The following NUMB variants were observed in gnomAD, a reference collection of about 807,000 sequenced individuals.
NUMB encodes NUMB endocytic adaptor protein.
In NUMB, 29 loss-of-function variants were observed where a neutral mutation model predicts 59.7. The ratio of observed to expected loss-of-function variants is 0.49; its 90% CI spans 0.36 to 0.66. The LOEUF is 0.66. Among genes scored for constraint, NUMB ranks in the 30% least tolerant of loss-of-function variants. NUMB has a pLI of 0.00. For missense variants in NUMB, 723 were observed against 822.0 expected, an observed-to-expected ratio of 0.88 and a Z score of 1.47; for synonymous variants, 288 against 288.2, an observed-to-expected ratio of 1.00 and a Z score of 0.01.
chr14:73,433,751 A>T lies in NUMB; in HGVS notation c.-232-23683T>A, dbSNP rs1897932944. ...CCCCTGAAATATATGACAGGAGTAT[A>T]GGTAGTAAAGAGAAAGAAACTGATA... On this transcript the variant is annotated intron_variant, in intron 1 of 12. Coordinates refer to ENST00000555238, the MANE Select transcript of NUMB (RefSeq NM_001005743.2). 1.3e-5 allele frequency among the ~76,000 whole-genome samples: 2 copies of T among 152,296 alleles called. 1 individual carries two copies. The highest frequency in any genetic ancestry group is 6.8e-3 in the Middle Eastern group (2 of 294).
intron 4 of NUMB, among the ~76,000 whole-genome samples, chr14:73,337,897 G>A (rs1021940657): frequency 6.6e-6 from 1 of 152,132 alleles, no homozygotes; most frequent in East Asian, 1.9e-4. Flanking sequence ...CTGAATGCTT[G>A]ATTTCATCCC....
chr14:73,390,638 CTTTTTTTTTTTTT>C (rs55831976), intron 2 of NUMB, among the ~76,000 whole-genome samples: 43 of 39,408 alleles, frequency 1.1e-3, no homozygotes, highest in East Asian at 3.4e-3. Context: ...AAAACAAAGT[CTTTTTTTTTTTTT>C]TTTTTTTTTT....
At chr14:73,411,713 C>T (rs1409626214) in intron 1 of NUMB, among the ~76,000 whole-genome samples, 4 of 151,942 alleles carry the variant, frequency 2.6e-5, no homozygotes, top group Non-Finnish European at 4.4e-5. Flanking sequence ...TGGTAAACGG[C>T]TAATCTATTT....
At chr14:73,351,223 C>T (rs1893238730) in intron 4 of NUMB, among the ~76,000 whole-genome samples, 1 of 152,152 alleles carries the variant, frequency 6.6e-6, no homozygotes. Context: ...CCTGCAATCC[C>T]AGGACTTTGG....
intron 3 of NUMB, 104 bp from the exon 4 acceptor site, chr14:73,355,870 G>T: frequency 1.2e-6 from 1 of 815,916 alleles, no homozygotes; most frequent in Non-Finnish European, 1.9e-6. Flanking sequence ...AAAATTAAAG[G>T]TTTTGGGTTT....
At chr14:73,409,821 G>A (rs1324299076) in intron 2 of NUMB, 116 bp downstream of exon 2, 1 of 152,286 alleles carries the variant, frequency 6.6e-6, no homozygotes, top group East Asian at 1.9e-4. Context: ...GATTTTACCA[G>A]GACAAAGGGT....
chr14:73,407,355 G>A (rs1422105546), intron 2 of NUMB, among the ~76,000 whole-genome samples: 1 of 152,156 alleles, frequency 6.6e-6, no homozygotes, highest in Non-Finnish European at 1.5e-5. Flanking sequence ...TGGAGGCAGA[G>A]ATGAGAGGAG....
At chr14:73,371,041 G>A (rs1026816293) in intron 2 of NUMB, among the ~76,000 whole-genome samples, 4 of 151,966 alleles carry the variant, frequency 2.6e-5, no homozygotes, top group African/African-American at 4.8e-5. Context: ...TCCCATTCTC[G>A]GCCTCCCAAA....
rs1264664292 is a variant in NUMB at position 73,352,431 on chromosome 14, TATAC to T, written c.126+3191_126+3194del. Among the ~76,000 whole-genome samples, 179 of 38,098 alleles carry T rather than the reference TATAC, an allele frequency of 4.7e-3. 5 individuals are homozygous for T. The highest frequency in any genetic ancestry group is 0.02 in the African/African-American group (117 of 5,958). 25.0% of individuals were successfully genotyped at this position (38,098 alleles called of 152,430 possible). A position where few individuals can be genotyped will look rare whatever the true frequency, so the allele number is the denominator to read the frequency against. On this transcript the variant is annotated intron_variant, in intron 4 of 12. Transcript: ENST00000555238. ...TTACCTTGGGTTGTAATAATATATA[TATAC>T]ACACACACACACACACACACACATA...
Position 73,276,576 on chromosome 14 carries a change from G to A in NUMB, c.*2C>T. The A allele has an allele frequency of 1.2e-6, 2 of 1,609,212 alleles. No homozygotes were observed. Among genetic ancestry groups the A allele is most frequent in the Non-Finnish European group, 1.7e-6 (2 of 1,176,488 alleles). On this transcript the variant is annotated 3_prime_UTR_variant, in exon 13 of 13. Coordinates refer to ENST00000555238, the MANE Select transcript of NUMB (RefSeq NM_001005743.2). ...GACAAGATACATAGCCATAATGATT[G>A]CTTAAAGTTCAATTTCAAACGTCTT...
intron 6 of NUMB, among the ~76,000 whole-genome samples, chr14:73,300,763 G>A (rs762503129): frequency 3.3e-5 from 5 of 151,994 alleles, no homozygotes; most frequent in Non-Finnish European, 7.4e-5. Context: ...GAGATGACTC[G>A]TCATTTACAT....
At position 73,386,864 on chromosome 14, in the gene NUMB, C is replaced by CTTTT. The variant is rs1566773800; in HGVS notation, c.-100-19884_-100-19883insAAAA. On this transcript the variant is annotated intron_variant, in intron 2 of 12. Coordinates refer to ENST00000555238, the MANE Select transcript of NUMB (RefSeq NM_001005743.2). Reference sequence around the variant, plus strand: ...TAATACAAGACAATCTATCAGGTGTCTTATTTTTTTTTTTTTTTTTTTTTT... The same window carrying CTTTT: ...TAATACAAGACAATCTATCAGGTGTCTTTTTTATTTTTTTTTTTTTTTTTTTTTT... Among the ~76,000 whole-genome samples the CTTTT allele has an allele frequency of 7.2e-4, 53 of 73,770 alleles. 3 individuals are homozygous for CTTTT. Among genetic ancestry groups the CTTTT allele is most frequent in the African/African-American group, 2.9e-3 (52 of 18,164 alleles). The allele number at this position is 73,770 out of a possible 152,430, so 48.4% of individuals were successfully genotyped here.
chr14:73,417,250 G>A (rs1315287026), intron 1 of NUMB, among the ~76,000 whole-genome samples: 1 of 152,158 alleles, frequency 6.6e-6, no homozygotes, highest in East Asian at 1.9e-4. Flanking sequence ...AGAGGGCAGA[G>A]TGTAAAAGGC....
intron 2 of NUMB, among the ~76,000 whole-genome samples, chr14:73,393,988 C>T (rs182080259): frequency 6.6e-5 from 10 of 152,156 alleles, no homozygotes; most frequent in Admixed American, 5.2e-4. Context: ...TTTTTTGAGA[C>T]GGAGTTTCAC....
At chr14:73,343,646 A>C (rs1055802099) in intron 4 of NUMB, among the ~76,000 whole-genome samples, 1 of 152,206 alleles carries the variant, frequency 6.6e-6, no homozygotes, top group Non-Finnish European at 1.5e-5. Context: ...CCTTATCCTA[A>C]TACAAAAAAC....
At chr14:73,425,299 C>A (rs1011653983) in intron 1 of NUMB, among the ~76,000 whole-genome samples, 7 of 151,866 alleles carry the variant, frequency 4.6e-5, no homozygotes, top group Middle Eastern at 3.4e-3. Context: ...AAAAAAATTG[C>A]AGTTCATCAT....
At chr14:73,292,680 A>G (rs2139831723) in intron 8 of NUMB, 54 bp downstream of exon 8, 1 of 1,586,008 alleles carries the variant, frequency 6.3e-7, no homozygotes, top group Non-Finnish European at 8.6e-7. Context: ...AAACCCAGAA[A>G]GAGCCCAGCT....
Position 73,278,845 on chromosome 14 carries a change from G to A in NUMB, c.1240+436C>T, listed in dbSNP as rs148400966. On this transcript the variant is annotated intron_variant, in intron 12 of 12. Coordinates refer to ENST00000555238, the MANE Select transcript of NUMB (RefSeq NM_001005743.2). ...CAGGTTCAAGCGATTCTCCTGCCTC[G>A]GCCTCCTGAGTAGCTGGGACTATAT... Among the ~76,000 whole-genome samples the A allele has an allele frequency of 6.9e-3, 1,025 of 148,678 alleles. 3 individuals are homozygous for A. Among genetic ancestry groups the A allele is most frequent in the South Asian group, 0.03 (140 of 4,646 alleles).
intron 1 of NUMB, among the ~76,000 whole-genome samples, chr14:73,411,827 A>G (rs1896906489): frequency 6.6e-6 from 1 of 152,028 alleles, no homozygotes; most frequent in Non-Finnish European, 1.5e-5. Context: ...TCATATTGCT[A>G]TCTGAATATA....
Sources: allele counts gnomAD v4.1 joint callset (sites outside exome capture counted in the v4.1 genomes callset), GRCh38; gene constraint gnomAD v4.1.1; transcripts MANE v1.5; gene names NCBI Gene and HGNC (gene_info 2026-07-23, HGNC 2026-07-21).